Variants in ADAMTSL1 observed in about 807,000 individuals in gnomAD.
ADAMTSL1 encodes ADAMTS-like protein 1.
In ADAMTSL1, 126 loss-of-function variants were observed where a neutral mutation model predicts 201.8. The observed-to-expected ratio is 0.62, with a 90% CI of 0.54 to 0.72. The LOEUF is 0.72. ADAMTSL1 is among the 30% of genes least tolerant of loss of function. The probability of loss-of-function intolerance (pLI) is 0.00; values close to 1 mark genes in which losing one functional copy is unlikely to be tolerated. For missense variants in ADAMTSL1, 2,679 were observed against 2,277.8 expected, an observed-to-expected ratio of 1.18 and a Z score of -3.59; for synonymous variants, 1,121 against 903.4, an observed-to-expected ratio of 1.24 and a Z score of -4.32.
intron 1 of ADAMTSL1, among the ~76,000 whole-genome samples, chr9:18,499,539 C>T (rs1822720087): frequency 6.6e-6 from 1 of 152,336 alleles, no homozygotes; most frequent in Non-Finnish European, 1.5e-5. Context: ...ATAGATTGCT[C>T]CACTTCGCAT....
chr9:18,483,501 G>A (rs965752005), intron 1 of ADAMTSL1, among the ~76,000 whole-genome samples: 1 of 152,138 alleles, frequency 6.6e-6, no homozygotes, highest in African/African-American at 2.4e-5. Context: ...ACCAAGGATC[G>A]AATGAAGCTG....
chr9:18,026,984 G>C (rs1403644717), intron 1 of ADAMTSL1, among the ~76,000 whole-genome samples: 1 of 151,812 alleles, frequency 6.6e-6, no homozygotes, highest in Admixed American at 6.6e-5. Context: ...AGATTTTCTA[G>C]TTTGTATCCA....
intron 2 of ADAMTSL1, among the ~76,000 whole-genome samples, chr9:18,255,621 C>A (rs1831652735): frequency 6.6e-6 from 1 of 152,206 alleles, no homozygotes; most frequent in African/African-American, 2.4e-5. Context: ...ATGAACCAAT[C>A]ATAAATATAG....
At chr9:18,158,636 C>A (rs1021913240) in intron 1 of ADAMTSL1, among the ~76,000 whole-genome samples, 2 of 151,992 alleles carry the variant, frequency 1.3e-5, no homozygotes, top group African/African-American at 2.4e-5. Context: ...CATTCAACAT[C>A]TTTAATAAAG....
intron 1 of ADAMTSL1, among the ~76,000 whole-genome samples, chr9:17,989,541 G>T (rs1819065636): frequency 6.6e-6 from 1 of 151,866 alleles, no homozygotes; most frequent in South Asian, 2.1e-4. Context: ...TACTTTAAAT[G>T]AATTTATTTC....
intron 2 of ADAMTSL1, among the ~76,000 whole-genome samples, chr9:18,209,791 T>A (rs952227645): frequency 2.0e-5 from 3 of 152,152 alleles, no homozygotes; most frequent in African/African-American, 7.2e-5. Context: ...TCATAGTGGA[T>A]AATTCATTTT....
At chr9:18,094,560 T>A (rs1402188060) in intron 1 of ADAMTSL1, among the ~76,000 whole-genome samples, 1 of 152,038 alleles carries the variant, frequency 6.6e-6, no homozygotes, top group Non-Finnish European at 1.5e-5. Context: ...TGACTCTGCC[T>A]CATTTCATCA....
intron 2 of ADAMTSL1, among the ~76,000 whole-genome samples, chr9:18,434,447 T>C (rs909954896): frequency 1.8e-4 from 27 of 152,188 alleles, no homozygotes; most frequent in Admixed American, 5.2e-4. Flanking sequence ...AAGAACAAGA[T>C]AGACAAGATT....
intron 2 of ADAMTSL1, among the ~76,000 whole-genome samples, chr9:18,428,030 A>G (rs1027582118): frequency 2.0e-5 from 3 of 152,066 alleles, no homozygotes; most frequent in Admixed American, 6.5e-5. Context: ...TTCTCCACCT[A>G]TCCTGTGTTT....
At chr9:18,871,380 A>G (rs1345744460) in intron 23 of ADAMTSL1, among the ~76,000 whole-genome samples, 2 of 152,044 alleles carry the variant, frequency 1.3e-5, no homozygotes, top group East Asian at 1.9e-4. Context: ...CTCTCAAATC[A>G]TTTCTTCTCA....
chr9:18,398,183 A>C (rs1817827164), intron 2 of ADAMTSL1, among the ~76,000 whole-genome samples: 1 of 152,170 alleles, frequency 6.6e-6, no homozygotes, highest in South Asian at 2.1e-4. Flanking sequence ...TCTCATTCAC[A>C]TTGAATGGTA....
At chr9:18,863,372 G>A (rs917370209) in intron 23 of ADAMTSL1, among the ~76,000 whole-genome samples, 21 of 152,186 alleles carry the variant, frequency 1.4e-4, no homozygotes, top group African/African-American at 4.6e-4. Flanking sequence ...CCCTGCCAAC[G>A]GAAACCCAAA....
At chr9:18,254,120 A>G (rs552120552) in intron 2 of ADAMTSL1, among the ~76,000 whole-genome samples, 1 of 152,176 alleles carries the variant, frequency 6.6e-6, no homozygotes, top group African/African-American at 2.4e-5. Flanking sequence ...GCCACCCTGT[A>G]AGCTGTGTGG....
chr9:18,233,133 C>G (rs781278026), intron 2 of ADAMTSL1, among the ~76,000 whole-genome samples: 2 of 152,052 alleles, frequency 1.3e-5, no homozygotes, highest in Non-Finnish European at 2.9e-5. Context: ...TGTTGCAGTA[C>G]AAAATAACAA....
At chr9:18,451,887 G>C (rs1587255313) in intron 2 of ADAMTSL1, among the ~76,000 whole-genome samples, 1 of 152,360 alleles carries the variant, frequency 6.6e-6, no homozygotes, top group East Asian at 1.9e-4. Context: ...GAGAGGATGA[G>C]AGTGAGGGAG....
In ADAMTSL1 at chr9:18,503,421, G is replaced by GTGTGTATATATATATATATATATATATA. The variant is rs376466829; in HGVS notation, c.64-1407_64-1406insGTGTATATATATATATATATATATATAT. Among the ~76,000 whole-genome samples the GTGTGTATATATATATATATATATATATA allele has an allele frequency of 5.4e-3, 617 of 115,124 alleles. 15 individuals carry two copies. The highest frequency in any genetic ancestry group is 9.6e-3 in the Non-Finnish European group (513 of 53,628). The allele number at this position is 115,124 out of a possible 152,430, so 75.5% of individuals were successfully genotyped here. A position where few individuals can be genotyped will look rare whatever the true frequency, so the allele number is the denominator to read the frequency against. On this transcript the variant is annotated intron_variant, in intron 1 of 28. Coordinates refer to ENST00000380548, the MANE Select transcript of ADAMTSL1 (RefSeq NM_001040272.6). ...TTAAGGCTGAATAGTATTCCATTGT[G>GTGTGTATATATATATATATATATATATA]TATATATATATATATATATACCACA...
chr9:18,312,917 T>C (rs1834211503), intron 2 of ADAMTSL1, among the ~76,000 whole-genome samples: 1 of 152,228 alleles, frequency 6.6e-6, no homozygotes, highest in Admixed American at 6.5e-5. Context: ...ACTTCTGTTC[T>C]TTAGAGTACT....
intron 2 of ADAMTSL1, among the ~76,000 whole-genome samples, chr9:18,423,158 A>G (rs1235819941): frequency 6.6e-6 from 1 of 152,180 alleles, no homozygotes; most frequent in Non-Finnish European, 1.5e-5. Context: ...TTGTGTAGGA[A>G]CTAACCTGGC....
intron 15 of ADAMTSL1, chr9:18,723,111 G>C: frequency 1.3e-6 from 1 of 770,024 alleles, no homozygotes; most frequent in East Asian, 2.4e-5. Context: ...AACTAGCTCT[G>C]TGGCCTAGGG....
Sources: gnomAD v4.1 joint callset for allele counts (sites outside exome capture counted in the v4.1 genomes callset) on GRCh38, gnomAD v4.1.1 for gene constraint, MANE v1.5 for transcripts, NCBI Gene and HGNC (gene_info 2026-07-23, HGNC 2026-07-21) for gene names.